TLN2: variants seen among roughly 807,000 people sequenced by gnomAD.
TLN2 encodes the protein talin 2, also known as talin-2.
In TLN2, 118 loss-of-function variants were observed where a neutral mutation model predicts 294.7. The ratio of observed to expected loss-of-function variants is 0.40; its 90% CI spans 0.34 to 0.47. The LOEUF (loss-of-function observed/expected upper bound fraction) is 0.47. TLN2 is among the 20% of genes least tolerant of loss of function. TLN2 has a pLI of 0.84. For synonymous variants in TLN2, 1,431 were observed against 1,304.5 expected (o/e 1.10, Z -2.09); for missense variants, 3,083 against 3,282.2 (o/e 0.94, Z 1.48).
intron 1 of TLN2, among the ~76,000 whole-genome samples, chr15:62,574,097 ACT>A (rs1387913656): frequency 6.6e-6 from 1 of 151,384 alleles, no homozygotes; most frequent in Admixed American, 6.6e-5. Flanking sequence ...AAGCTGCTTA[ACT>A]CTCAACTCCT....
chr15:62,721,654 T>G (rs2060156071), intron 25 of TLN2, among the ~76,000 whole-genome samples: 1 of 152,116 alleles, frequency 6.6e-6, no homozygotes, highest in Non-Finnish European at 1.5e-5. Context: ...ATTCAACTTT[T>G]AAAAATTTAT....
chr15:62,751,402 G>A (rs934206346), intron 34 of TLN2, among the ~76,000 whole-genome samples: 23 of 152,328 alleles, frequency 1.5e-4, no homozygotes, highest in African/African-American at 4.8e-4. Context: ...TGGAATTATG[G>A]ATTGTCTAAG....
chr15:62,396,835 G>T (rs570278916), intron 1 of TLN2, among the ~76,000 whole-genome samples: 3 of 152,196 alleles, frequency 2.0e-5, no homozygotes, highest in African/African-American at 7.2e-5. Context: ...CTCTCAAGTA[G>T]CTGGGATTAA....
chr15:62,550,100 G>A (rs1330663479), intron 1 of TLN2, among the ~76,000 whole-genome samples: 1 of 152,130 alleles, frequency 6.6e-6, no homozygotes, highest in Non-Finnish European at 1.5e-5. Flanking sequence ...TGGGGTAGGG[G>A]AAGAGCAGGA....
chr15:62,692,065 A>G (rs2057966420), intron 12 of TLN2, among the ~76,000 whole-genome samples: 1 of 152,158 alleles, frequency 6.6e-6, no homozygotes, highest in Admixed American at 6.5e-5. Context: ...CCTACTTTTC[A>G]GGGCTTAAGT....
At chr15:62,567,467 T>C (rs1316803211) in intron 1 of TLN2, among the ~76,000 whole-genome samples, 1 of 152,064 alleles carries the variant, frequency 6.6e-6, no homozygotes, top group Non-Finnish European at 1.5e-5. Context: ...TGAGGGTGGA[T>C]TTGAGCAGCA....
chr15:62,748,559 T>C, intron 33 of TLN2, 115 bp downstream of exon 33: 4 of 854,328 alleles, frequency 4.7e-6, no homozygotes, highest in Non-Finnish European at 7.5e-6. Context: ...GCTAGTTTTC[T>C]CTTCTCTGTC....
At chr15:62,433,716 A>T (rs2035140714) in intron 1 of TLN2, among the ~76,000 whole-genome samples, 1 of 152,012 alleles carries the variant, frequency 6.6e-6, no homozygotes, top group South Asian at 2.1e-4. Context: ...CAGTTATTTG[A>T]AGCTTGAATG....
intron 1 of TLN2, among the ~76,000 whole-genome samples, chr15:62,398,889 A>G (rs12324258): frequency 0.11 from 16,287 of 152,166 alleles, 977 homozygotes; most frequent in Middle Eastern, 0.15. Flanking sequence ...AGCTGCAGAA[A>G]TTTGCATAAG....
intron 3 of TLN2, among the ~76,000 whole-genome samples, chr15:62,634,507 G>A (rs1422054942): frequency 6.6e-6 from 1 of 152,196 alleles, no homozygotes; most frequent in Non-Finnish European, 1.5e-5. Flanking sequence ...GTGCTGTAGA[G>A]AATTCATCGT....
intron 1 of TLN2, among the ~76,000 whole-genome samples, chr15:62,458,680 G>A (rs1340364317): frequency 6.6e-6 from 1 of 151,844 alleles, no homozygotes; most frequent in Non-Finnish European, 1.5e-5. Context: ...GAGGTGGGAG[G>A]GTCACCTGAG....
At chr15:62,641,210 A>G (rs2051051831) in intron 3 of TLN2, among the ~76,000 whole-genome samples, 1 of 152,230 alleles carries the variant, frequency 6.6e-6, no homozygotes, top group Admixed American at 6.5e-5. Flanking sequence ...TATCTAGTAC[A>G]TAATAGATAC....
intron 5 of TLN2, 44 bp downstream of exon 5, chr15:62,650,225 T>C (rs78380253): frequency 1.9e-6 from 3 of 1,599,082 alleles, no homozygotes; most frequent in Non-Finnish European, 2.6e-6. Flanking sequence ...CCTTTGTCCC[T>C]GGGCCTTCTT....
At chr15:62,586,355 T>G (rs1361596167) in intron 1 of TLN2, among the ~76,000 whole-genome samples, 1 of 152,192 alleles carries the variant, frequency 6.6e-6, no homozygotes, top group African/African-American at 2.4e-5. Flanking sequence ...TAGGGAAATT[T>G]TGTAGGGAAG....
At chr15:62,418,761 G>A (rs1595759698) in intron 1 of TLN2, among the ~76,000 whole-genome samples, 1 of 152,322 alleles carries the variant, frequency 6.6e-6, no homozygotes, top group South Asian at 2.1e-4. Context: ...ACATTCTCAA[G>A]GGTGGGGAGA....
rs542008912 is a variant in TLN2, at chr15:62,606,310, C to T, written c.-161-12041C>T. Among the ~76,000 whole-genome samples, 14 of 149,834 alleles carry T rather than the reference C, an allele frequency of 9.3e-5. No homozygotes were observed. The South Asian group carries it at 2.7e-3, about 29-fold the overall frequency. Reference sequence around the variant, plus strand: ...TTTCCCCTGTTGGTCAGGCTGGTCTCGAATTCCTGACCTCAGGCGATCCAC... The same window carrying T: ...TTTCCCCTGTTGGTCAGGCTGGTCTTGAATTCCTGACCTCAGGCGATCCAC... On this transcript the variant is annotated intron_variant, in intron 2 of 58. Transcript: ENST00000636159.
rs571540487 is a variant in TLN2 at position 62,656,156 on chromosome 15, G to A, written c.660+70G>A. ...GAAGCTCCTGGCTGTATCTTGTGGC[G>A]AGCAGGAGGGCGGCGCTGGCTTCTG... On this transcript the variant is annotated intron_variant, in intron 8 of 58. Transcript: ENST00000636159. 2.7e-5 allele frequency: 42 copies of A among 1,579,762 alleles called. No homozygotes were observed. In the East Asian group the frequency reaches 5.2e-4, roughly 19 times the overall value.
chr15:62,429,293 G>A (rs2034887358), intron 1 of TLN2, among the ~76,000 whole-genome samples: 1 of 152,190 alleles, frequency 6.6e-6, no homozygotes, highest in African/African-American at 2.4e-5. Flanking sequence ...TTGCTGTTCT[G>A]GGAAGCCAGG....
chr15:62,534,460 G>A (rs1207242754), intron 1 of TLN2, among the ~76,000 whole-genome samples: 1 of 152,198 alleles, frequency 6.6e-6, no homozygotes, highest in Non-Finnish European at 1.5e-5. Context: ...ATAGGGTGAA[G>A]TATGGGAGAA....
Sources: gnomAD v4.1 joint callset for allele counts (sites outside exome capture counted in the v4.1 genomes callset) on GRCh38, gnomAD v4.1.1 for gene constraint, MANE v1.5 for transcripts, NCBI Gene and HGNC (gene_info 2026-07-23, HGNC 2026-07-21) for gene names.